The following ADAM32 variants were observed in gnomAD, a reference collection of about 807,000 sequenced individuals.
ADAM32 encodes the protein disintegrin and metalloproteinase domain-containing protein 32.
A neutral mutation model predicts 114.9 loss-of-function variants in ADAM32; 89 were observed. The observed-to-expected ratio is 0.77, with a 90% confidence interval of 0.65 to 0.92. The LOEUF (loss-of-function observed/expected upper bound fraction) is 0.92. Ranked by LOEUF, ADAM32 falls within the 40% of genes least tolerant of loss-of-function variation. ADAM32 has a pLI of 0.00. For synonymous variants in ADAM32, 285 were observed against 307.5 expected, an observed-to-expected ratio of 0.93 and a Z score of 0.77; for missense variants, 870 against 932.8, an observed-to-expected ratio of 0.93 and a Z score of 0.88.
At chr8:39,149,161 A>T (rs1170548136) in intron 4 of ADAM32, among the ~76,000 whole-genome samples, 1 of 152,186 alleles carries the variant, frequency 6.6e-6, no homozygotes, top group African/African-American at 2.4e-5. Context: ...AAACTTTTTT[A>T]TAACTGTAGA....
At chr8:39,111,153 T>C (rs550170138) in intron 1 of ADAM32, among the ~76,000 whole-genome samples, 41 of 152,342 alleles carry the variant, frequency 2.7e-4, no homozygotes, top group African/African-American at 9.9e-4. Flanking sequence ...TTGATGGACA[T>C]TTGATTGTTT....
At chr8:39,226,496 A>G (rs1809377990) in intron 14 of ADAM32, among the ~76,000 whole-genome samples, 1 of 152,130 alleles carries the variant, frequency 6.6e-6, no homozygotes, top group Non-Finnish European at 1.5e-5. Context: ...TTATAATAAA[A>G]CCGTCAATAA....
chr8:39,160,903 C>G lies in ADAM32; in HGVS notation c.532C>G (p.Pro178Ala), dbSNP rs752727462. The G allele has an allele frequency of 3.1e-6, 5 of 1,593,240 alleles. No homozygotes were observed. In the South Asian group the frequency reaches 3.5e-5, roughly 11 times the overall value. Residue 178 changes from proline (P) to alanine (A), a missense_variant, in exon 7 of 25, where the codon CCA becomes GCA. Transcript: ENST00000379907. ...DNIFISEKSE[P>A]AVPDLFPLYL... ...CTGTTTTCCTTTTTTCTAGTCAGAA[C>G]CAGCTGTTCCAGATTTATTTCCTCT...
At chr8:39,109,070 T>A (rs1335023973) in intron 1 of ADAM32, among the ~76,000 whole-genome samples, 1 of 152,212 alleles carries the variant, frequency 6.6e-6, no homozygotes, top group Non-Finnish European at 1.5e-5. Context: ...TACATTCAGT[T>A]CATAACACAT....
rs577732358 is a variant in ADAM32, at chr8:39,272,258, A to G, written c.2201+1344A>G. On this transcript the variant is annotated intron_variant, in intron 20 of 24. Transcript: ENST00000379907. ...TCCTCAACCCATAATTATTGTAGAA[A>G]TTTATACATCTAGATTCATGACTTC... 2.0e-5 allele frequency among the ~76,000 whole-genome samples: 3 copies of G among 152,318 alleles called. No individual in the cohort carries two copies. The South Asian group carries it at 6.2e-4, about 32-fold the overall frequency.
intron 14 of ADAM32, among the ~76,000 whole-genome samples, chr8:39,229,842 G>A (rs1809621462): frequency 1.3e-5 from 2 of 151,990 alleles, no homozygotes; most frequent in Admixed American, 1.3e-4. Context: ...TGGAACAAAT[G>A]GACTTAACAG....
chr8:39,210,369 C>A (rs1402838413), intron 11 of ADAM32, among the ~76,000 whole-genome samples: 1 of 152,140 alleles, frequency 6.6e-6, no homozygotes, highest in African/African-American at 2.4e-5. Context: ...GTTGTTATGC[C>A]AAAACCAGTT....
At chr8:39,161,468 C>T (rs560318280) in intron 7 of ADAM32, among the ~76,000 whole-genome samples, 1 of 152,266 alleles carries the variant, frequency 6.6e-6, no homozygotes, top group East Asian at 1.9e-4. Flanking sequence ...AAGAGTACCT[C>T]GAGATTCCTA....
chr8:39,260,483 T>A lies in ADAM32; in HGVS notation c.2162+3140T>A, dbSNP rs867836998. 4.6e-5 allele frequency among the ~76,000 whole-genome samples: 7 copies of A among 152,272 alleles called. No homozygotes were observed. The South Asian group carries it at 1.2e-3, about 27-fold the overall frequency. ...GGCTTATAATACATGGCTTTTGTTA[T>A]GTTGAGGTATATTTCTTCTATGACA... is the stretch of plus-strand genomic sequence containing the variant. On this transcript the variant is annotated intron_variant, in intron 19 of 24. Coordinates refer to ENST00000379907, the MANE Select transcript of ADAM32 (RefSeq NM_145004.7).
chr8:39,111,858 T>A (rs1224388983), intron 1 of ADAM32, among the ~76,000 whole-genome samples: 3 of 152,088 alleles, frequency 2.0e-5, no homozygotes, highest in Non-Finnish European at 4.4e-5. Context: ...ATGTAAAAGC[T>A]ATGATACCTG....
intron 11 of ADAM32, among the ~76,000 whole-genome samples, chr8:39,203,453 C>A (rs1361477003): frequency 3.3e-5 from 5 of 152,104 alleles, no homozygotes; most frequent in South Asian, 2.1e-4. Context: ...AGGATCGCAA[C>A]CCCTGCCTTT....
intron 17 of ADAM32, among the ~76,000 whole-genome samples, chr8:39,250,274 T>TG (rs1811205153): frequency 6.6e-6 from 1 of 151,970 alleles, no homozygotes; most frequent in South Asian, 2.1e-4. Context: ...TTCAACCTTT[T>TG]TTTTTTGACT....
intron 1 of ADAM32, among the ~76,000 whole-genome samples, chr8:39,117,220 A>T (rs911796169): frequency 3.9e-5 from 6 of 152,118 alleles, no homozygotes; most frequent in Non-Finnish European, 7.3e-5. Context: ...TGCTTATGTG[A>T]TCTTCCTCTT....
intron 2 of ADAM32, among the ~76,000 whole-genome samples, chr8:39,131,536 T>C (rs772628268): frequency 2.1e-4 from 32 of 152,190 alleles, no homozygotes; most frequent in Non-Finnish European, 8.8e-5. Flanking sequence ...TTTGTCTAGT[T>C]GTTCTCTCCA....
Position 39,191,016 on chromosome 8 carries a change from G to C in ADAM32, c.1052+3971G>C, listed in dbSNP as rs190470628. 3.4e-3 allele frequency among the ~76,000 whole-genome samples: 514 copies of C among 151,772 alleles called. 7 individuals carry two copies. Among genetic ancestry groups the C allele is most frequent in the African/African-American group, 0.011 (470 of 41,478 alleles). ...CCAAATATGTGGTATTTAGTTTTCT[G>C]TTCCTGTGTTAGTTTGCTAAAGATA... is the stretch of plus-strand genomic sequence containing the variant. On this transcript the variant is annotated intron_variant, in intron 11 of 24. Coordinates refer to ENST00000379907, the MANE Select transcript of ADAM32 (RefSeq NM_145004.7).
At chr8:39,181,280 T>G (rs141539298) in intron 10 of ADAM32, among the ~76,000 whole-genome samples, 1,998 of 152,270 alleles carry the variant, frequency 0.013, 34 homozygotes, top group Middle Eastern at 0.027. Context: ...AGCGAGCCCA[T>G]GAGCCCACCA....
chr8:39,112,786 A>G (rs191527172), intron 1 of ADAM32, among the ~76,000 whole-genome samples: 14 of 152,336 alleles, frequency 9.2e-5, no homozygotes, highest in Non-Finnish European at 1.5e-4. Flanking sequence ...AAATAAAGAG[A>G]GTTTAGCTAT....
chr8:39,203,558 A>G (rs895628792), intron 11 of ADAM32, among the ~76,000 whole-genome samples: 1 of 152,138 alleles, frequency 6.6e-6, no homozygotes, highest in Non-Finnish European at 1.5e-5. Context: ...TGAATACAGC[A>G]CACTGATGGG....
intron 6 of ADAM32, among the ~76,000 whole-genome samples, chr8:39,155,992 C>T (rs767003338): frequency 3.9e-5 from 6 of 151,990 alleles, no homozygotes; most frequent in African/African-American, 9.7e-5. Flanking sequence ...TTTATTATCA[C>T]AAATTATCTA....
Sources: allele counts gnomAD v4.1 joint callset (sites outside exome capture counted in the v4.1 genomes callset), GRCh38; gene constraint gnomAD v4.1.1; transcripts MANE v1.5; gene names NCBI Gene and HGNC (gene_info 2026-07-23, HGNC 2026-07-21).